KLF13: variants seen among roughly 807,000 people sequenced by gnomAD.
KLF13 encodes KLF transcription factor 13, also known as Krueppel-like factor 13.
In KLF13, 8 loss-of-function variants were observed where a neutral mutation model predicts 16.7. The observed-to-expected ratio is 0.48, with a 90% confidence interval of 0.28 to 0.87. The LOEUF is 0.87. Among genes scored for constraint, KLF13 ranks in the 40% least tolerant of loss-of-function variants. The pLI, the probability that KLF13 is intolerant of heterozygous loss-of-function variation, is 0.10. For synonymous variants in KLF13, 245 were observed against 208.4 expected (o/e 1.18, Z -1.51); for missense variants, 447 against 452.2 (o/e 0.99, Z 0.10).
chr15:31,417,336 A>C (rs2040266799), intron 1 of KLF13, among the ~76,000 whole-genome samples: 1 of 151,812 alleles, frequency 6.6e-6, no homozygotes, highest in African/African-American at 2.4e-5. Flanking sequence ...CTCTACTAAA[A>C]ATACAAAAAT....
intron 1 of KLF13, among the ~76,000 whole-genome samples, chr15:31,338,935 CA>C (rs1274938926): frequency 6.6e-6 from 1 of 152,038 alleles, no homozygotes; most frequent in Non-Finnish European, 1.5e-5. Context: ...GAGCAGACCC[CA>C]GGGGGGCCTG....
At chr15:31,363,166 G>A (rs2039415402) in intron 1 of KLF13, among the ~76,000 whole-genome samples, 1 of 152,242 alleles carries the variant, frequency 6.6e-6, no homozygotes, top group Non-Finnish European at 1.5e-5. Flanking sequence ...CTGCTTACCT[G>A]CAGCCTCACC....
At chr15:31,420,370 C>A in intron 1 of KLF13, 1 of 1,134,434 alleles carries the variant, frequency 8.8e-7, no homozygotes, top group South Asian at 1.2e-5. Context: ...GGTATAAGCT[C>A]TTGCTAGAGT....
At chr15:31,414,855 C>G (rs2040237151) in intron 1 of KLF13, among the ~76,000 whole-genome samples, 1 of 152,158 alleles carries the variant, frequency 6.6e-6, no homozygotes, top group South Asian at 2.1e-4. Flanking sequence ...ACCTAACAGA[C>G]AACTATAGAA....
chr15:31,420,283 T>A (rs1368655373), intron 1 of KLF13: 4 of 841,548 alleles, frequency 4.8e-6, no homozygotes, highest in Non-Finnish European at 7.8e-6. Context: ...GGATTTCTGC[T>A]TTCCTTGAAT....
intron 1 of KLF13, chr15:31,339,944 A>G (rs755653591): frequency 5.7e-6 from 4 of 702,288 alleles, no homozygotes; most frequent in South Asian, 3.0e-5. Context: ...CTGCCCACCC[A>G]TGGATTATCT....
intron 1 of KLF13, among the ~76,000 whole-genome samples, chr15:31,386,038 G>A (rs1013554257): frequency 3.3e-5 from 5 of 152,238 alleles, no homozygotes; most frequent in African/African-American, 1.2e-4. Flanking sequence ...GAAAGTTTCA[G>A]TGGCTTGGAT....
chr15:31,420,015 T>G (rs1039895232), intron 1 of KLF13: 3 of 314,602 alleles, frequency 9.5e-6, no homozygotes, highest in Admixed American at 8.7e-5. Context: ...CATTATAGGC[T>G]GGAAAGGAGT....
intron 1 of KLF13, among the ~76,000 whole-genome samples, chr15:31,340,182 C>T (rs1288699229): frequency 1.3e-5 from 2 of 152,254 alleles, no homozygotes; most frequent in Non-Finnish European, 2.9e-5. Context: ...CCCAGTTGGG[C>T]TGGGCTGCCT....
intron 2 of KLF13, among the ~76,000 whole-genome samples, chr15:31,394,489 GA>G (rs751996524): frequency 0.014 from 1,526 of 112,964 alleles, 14 homozygotes; most frequent in Non-Finnish European, 0.016. Context: ...TCCGTCTCAA[GA>G]AAAAAAAAAA....
intron 1 of KLF13, among the ~76,000 whole-genome samples, chr15:31,417,977 A>T (rs1019277836): frequency 6.6e-6 from 1 of 152,182 alleles, no homozygotes; most frequent in Non-Finnish European, 1.5e-5. Context: ...CAAAGTGCAC[A>T]TTCAACACAC....
intron 1 of KLF13, among the ~76,000 whole-genome samples, chr15:31,414,977 C>A (rs2040238358): frequency 6.6e-6 from 1 of 152,168 alleles, no homozygotes; most frequent in Non-Finnish European, 1.5e-5. Context: ...GTATATCCTT[C>A]ATGAATGTCT....
At chr15:31,362,808 C>CTGG (rs2039409748) in intron 1 of KLF13, among the ~76,000 whole-genome samples, 1 of 152,184 alleles carries the variant, frequency 6.6e-6, no homozygotes, top group South Asian at 2.1e-4. Flanking sequence ...TAGATCCTTG[C>CTGG]TGGTCATCTC....
At position 31,372,832 on chromosome 15, in the gene KLF13, C is replaced by G. The variant is rs774133203; in HGVS notation, c.*533C>G. ...AACCCAGTCTCTGGCCTCTGCCCAACGAGCCTGGCTGGGCTTGCAACGCAG... is the reference window on the plus strand; with the variant it reads ...AACCCAGTCTCTGGCCTCTGCCCAAGGAGCCTGGCTGGGCTTGCAACGCAG... On this transcript the variant is annotated 3_prime_UTR_variant, in exon 2 of 2. Coordinates refer to ENST00000307145, the MANE Select transcript of KLF13 (RefSeq NM_015995.4). 5 of 152,808 alleles carry G rather than the reference C, an allele frequency of 3.3e-5. No individual in the cohort carries two copies. The highest frequency in any genetic ancestry group is 4.8e-5 in the African/African-American group (2 of 41,500). 9.5% of individuals were successfully genotyped at this position (152,808 alleles called of 1,614,324 possible).
chr15:31,366,740 G>GCCCCCCTGTGCTCACTGTGTGC (rs1236912743), intron 1 of KLF13, among the ~76,000 whole-genome samples: 5 of 152,210 alleles, frequency 3.3e-5, no homozygotes, highest in African/African-American at 7.2e-5. Flanking sequence ...CTCACTGTGT[G>GCCCCCCTGTGCTCACTGTGTGC]CCCCCCTGTG....
intron 1 of KLF13, chr15:31,366,021 G>T (rs906157744): frequency 2.6e-5 from 4 of 152,146 alleles, no homozygotes; most frequent in African/African-American, 9.7e-5. Context: ...TGCTCCGCTC[G>T]CGGCCTCGCT....
chr15:31,405,302 A>T, downstream of KLF13, among the ~76,000 whole-genome samples: 1 of 152,174 alleles, frequency 6.6e-6, no homozygotes, highest in East Asian at 1.9e-4. Context: ...CAACAAAACG[A>T]GACTCCGTCT....
At position 31,327,186 on chromosome 15, in the gene KLF13, G is replaced by A. The variant is rs1020020578; in HGVS notation, c.-27G>A. On this transcript the variant is annotated 5_prime_UTR_variant, in exon 1 of 2. Coordinates refer to ENST00000307145, the MANE Select transcript of KLF13 (RefSeq NM_015995.4). Reference sequence around the variant, plus strand: ...GCGCGGCTGACGACTCGCAGCAAGAGCACCGCCGCCGGCCCCAGCCCGCAG... The same window carrying A: ...GCGCGGCTGACGACTCGCAGCAAGAACACCGCCGCCGGCCCCAGCCCGCAG... 31 of 1,288,680 alleles carry A rather than the reference G, an allele frequency of 2.4e-5. No individual in the cohort carries two copies. Among genetic ancestry groups the A allele is most frequent in the Admixed American group, 4.3e-5 (1 of 23,152 alleles). 79.8% of individuals were successfully genotyped at this position (1,288,680 alleles called of 1,614,324 possible). A position where few individuals can be genotyped will look rare whatever the true frequency, so the allele number is the denominator to read the frequency against.
At chr15:31,401,937 G>A (rs1254660144) in intron 2 of KLF13, among the ~76,000 whole-genome samples, 1 of 152,222 alleles carries the variant, frequency 6.6e-6, no homozygotes, top group Non-Finnish European at 1.5e-5. Flanking sequence ...AGAGTCAAGA[G>A]GAAGAAAGGA....
Sources: gnomAD v4.1 joint callset for allele counts (sites outside exome capture counted in the v4.1 genomes callset) on GRCh38, gnomAD v4.1.1 for gene constraint, MANE v1.5 for transcripts, NCBI Gene and HGNC (gene_info 2026-07-23, HGNC 2026-07-21) for gene names.